CNGA4: variants seen among roughly 807,000 people sequenced by gnomAD.
The protein encoded by CNGA4 is cyclic nucleotide-gated channel alpha-4.
In CNGA4, 32 loss-of-function variants were observed where a neutral mutation model predicts 45.6. That is an observed-to-expected ratio of 0.70 (90% CI 0.53 to 0.94). The LOEUF (loss-of-function observed/expected upper bound fraction) is 0.94, where lower values mean the gene tolerates loss of function less well. Ranked by LOEUF, CNGA4 falls within the 40% of genes least tolerant of loss-of-function variation. The pLI is 0.00. For missense variants in CNGA4, 726 were observed against 755.1 expected, an observed-to-expected ratio of 0.96 and a Z score of 0.45; for synonymous variants, 293 against 304.6, an observed-to-expected ratio of 0.96 and a Z score of 0.40.
At chr11:6,239,571 C>T in intron 2 of CNGA4, 86 bp downstream of exon 2, 1 of 1,554,832 alleles carries the variant, frequency 6.4e-7, no homozygotes, top group African/African-American at 1.4e-5. Flanking sequence ...CTTGGTGGGG[C>T]AGGAGGAGCA....
Position 6,240,089 on chromosome 11 carries a change from G to C in CNGA4, c.295G>C (p.Val99Leu), listed in dbSNP as rs1297578650. Residue 99 changes from valine to leucine, a missense_variant, in exon 4 of 6, where the codon GTG becomes CTG. By Grantham distance (32) the Val-to-Leu change is conservative. Coordinates refer to ENST00000379936, the MANE Select transcript of CNGA4 (RefSeq NM_001037329.4). The surrounding 1 kb of genome is among the most constrained non-coding windows in gnomAD (Gnocchi z 4.9). ...AGGATTCTTGGAACAGGGCATCCTG[G>C]TGGTGGACAAGGGTAGGATCTCGAG... ...HTGFLEQGIL[V>L]VDKGRISSRY... The C allele has an allele frequency of 1.2e-6, 2 of 1,611,768 alleles. No individual in the cohort carries two copies. Among genetic ancestry groups the C allele is most frequent in the South Asian group, 2.2e-5 (2 of 90,838 alleles).
Position 6,240,048 on chromosome 11 carries a change from C to A in CNGA4, c.272-18C>A. On this transcript the variant is annotated intron_variant, in intron 3 of 5. Transcript: ENST00000379936. This position sits in a 1 kb window ranked among gnomAD's most constrained non-coding sequence, Gnocchi z 4.9. Reference sequence around the variant, plus strand: ...TTGACTACAGCAGGTCCGCTTCCTACCGGCTCCCTCTCCCCAGGATTCTTG... The same window carrying A: ...TTGACTACAGCAGGTCCGCTTCCTAACGGCTCCCTCTCCCCAGGATTCTTG... 1 of 1,588,454 alleles carries A rather than the reference C, an allele frequency of 6.3e-7. No homozygotes were observed. Among genetic ancestry groups the A allele is most frequent in the Non-Finnish European group, 8.6e-7 (1 of 1,166,786 alleles).
intron 5 of CNGA4, among the ~76,000 whole-genome samples, chr11:6,243,034 ACT>A (rs1264654055): frequency 6.6e-6 from 1 of 151,516 alleles, no homozygotes; most frequent in Non-Finnish European, 1.5e-5. Flanking sequence ...CCCTCCCCAC[ACT>A]CTGCGCTTCT....
Position 6,241,763 on chromosome 11 carries a change from G to T in CNGA4, c.1250G>T (p.Ser417Ile). ...LGAGLYFGEISIINIKGNMSG... is the reference protein window; with the variant it reads ...LGAGLYFGEIIIINIKGNMSG... The stretch of plus-strand genomic sequence containing the variant: ...GCAGGGCTCTACTTTGGGGAGATCA[G>T]CATCATCAACATCAAAGGTGGGTAT... The change falls in exon 5 of 6, where the codon AGC (serine) becomes ATC (isoleucine). Residue 417 changes from serine to isoleucine, a missense_variant. By Grantham distance (142) the Ser-to-Ile change is moderately radical. Transcript: ENST00000379936. The T allele has an allele frequency of 6.2e-7, 1 of 1,614,118 alleles. No individual in the cohort carries two copies. The highest frequency in any genetic ancestry group is 1.1e-5 in the South Asian group (1 of 91,078).
upstream of CNGA4, among the ~76,000 whole-genome samples, chr11:6,235,302 A>G (rs1299422390): frequency 6.6e-6 from 1 of 152,102 alleles, no homozygotes; most frequent in Non-Finnish European, 1.5e-5. Flanking sequence ...CTCCCCCAAC[A>G]CCGCTGTGCT....
rs1399602993 is a variant in CNGA4 at position 6,240,208 on chromosome 11, CCTGAGGCTGA to C, written c.415_424del (p.Leu139ThrfsTer31). The C allele has an allele frequency of 1.2e-6, 2 of 1,614,248 alleles. No homozygotes were observed. The highest frequency in any genetic ancestry group is 1.7e-6 in the Non-Finnish European group (2 of 1,180,054). Reference sequence around the variant, plus strand: ...TGCGGCTGGGCCCGCACACACCCACCCTGAGGCTGAACCGCTTTCTCCGCGCGCCCCGCCT... The same window carrying C: ...TGCGGCTGGGCCCGCACACACCCACCACCGCTTTCTCCGCGCGCCCCGCCT... On this transcript the variant is annotated frameshift_variant, in exon 4 of 6. Coordinates refer to ENST00000379936, the MANE Select transcript of CNGA4 (RefSeq NM_001037329.4). LOFTEE classifies it high-confidence loss of function. This position sits in a 1 kb window ranked among gnomAD's most constrained non-coding sequence, Gnocchi z 4.9.
upstream of CNGA4, among the ~76,000 whole-genome samples, chr11:6,236,642 C>T (rs978868992): frequency 2.6e-5 from 4 of 152,122 alleles, no homozygotes; most frequent in African/African-American, 7.2e-5. Context: ...GAGTGGGGCT[C>T]CTGAGGCACT....
chr11:6,242,279 T>A lies in CNGA4; in HGVS notation c.1267+499T>A, dbSNP rs2133879296. Among the ~76,000 whole-genome samples the A allele has an allele frequency of 2.0e-5, 3 of 151,870 alleles. No homozygotes were observed. The South Asian group carries it at 6.2e-4, about 32-fold the overall frequency. ...CACAGGTATACACATGTGGGATGAG[T>A]GGAAAAAACAACCTTTTTACAGCCA... is the stretch of plus-strand genomic sequence containing the variant. On this transcript the variant is annotated intron_variant, in intron 5 of 5. Coordinates refer to ENST00000379936, the MANE Select transcript of CNGA4 (RefSeq NM_001037329.4).
At chr11:6,241,887 G>C (rs1009681660) in intron 5 of CNGA4, 107 bp downstream of exon 5, 2 of 987,970 alleles carry the variant, frequency 2.0e-6, no homozygotes, top group Non-Finnish European at 1.5e-6. Flanking sequence ...ACTTCTGATT[G>C]AGGAAACCTG....
chr11:6,239,623 G>C, intron 2 of CNGA4, 61 bp from the exon 3 acceptor site: 1 of 1,578,624 alleles, frequency 6.3e-7, no homozygotes, highest in Non-Finnish European at 8.7e-7. Flanking sequence ...AAGGGCCCTG[G>C]GGAGACGCCT....
rs1410723356 is a variant in CNGA4, at chr11:6,239,477, CG to C, written c.157del (p.Val53CysfsTer30). 6.2e-7 allele frequency: 1 copy of C among 1,614,000 alleles called. No homozygotes were observed. Among genetic ancestry groups the C allele is most frequent in the Non-Finnish European group, 8.5e-7 (1 of 1,179,990 alleles). ...CAGTCATGTATAACCTCATCATCCT[CG>C]TGTGCAGGTATGGCAGCGGTGCTAA... ...FPVMYNLIIL[V>X]CRACFPDLQH... On this transcript the variant is annotated frameshift_variant, in exon 2 of 6. Coordinates refer to ENST00000379936, the MANE Select transcript of CNGA4 (RefSeq NM_001037329.4). LOFTEE classifies it high-confidence loss of function.
rs1248956785 is a variant in CNGA4, at chr11:6,239,700, T to C, written c.181T>C (p.Leu61=). 6.2e-7 allele frequency: 1 copy of C among 1,613,986 alleles called. No homozygotes were observed. The highest frequency in any genetic ancestry group is 8.5e-7 in the Non-Finnish European group (1 of 1,179,994). The change falls in exon 3 of 6, where the codon TTG becomes CTG. Residue 61 remains leucine, a synonymous_variant. Coordinates refer to ENST00000379936, the MANE Select transcript of CNGA4 (RefSeq NM_001037329.4). ...GCCCTGCAGAGCCTGCTTCCCCGAC[T>C]TGCAGCACGGTTATCTGGTGGCCTG... The part of the protein sequence containing the change: ...ILVCRACFPD[L]QHGYLVAWLV...
Position 6,239,696 on chromosome 11 carries a change from C to G in CNGA4, c.177C>G (p.Pro59=), listed in dbSNP as rs773492976. 4 of 1,614,042 alleles carry G rather than the reference C, an allele frequency of 2.5e-6. No homozygotes were observed. The South Asian group carries it at 3.3e-5, about 13-fold the overall frequency. ...LIILVCRACF[P]DLQHGYLVAW... Reference sequence around the variant, plus strand: ...CCCTGCCCTGCAGAGCCTGCTTCCCCGACTTGCAGCACGGTTATCTGGTGG... The same window carrying G: ...CCCTGCCCTGCAGAGCCTGCTTCCCGGACTTGCAGCACGGTTATCTGGTGG... The change falls in exon 3 of 6, where the codon CCC becomes CCG. Residue 59 remains proline, a synonymous_variant. Transcript: ENST00000379936.
At chr11:6,235,886 C>A (rs1484800196), upstream of CNGA4, among the ~76,000 whole-genome samples, 2 of 151,752 alleles carry the variant, frequency 1.3e-5, no homozygotes, top group South Asian at 2.1e-4. Context: ...TTGCAGTTAG[C>A]CGAGATCGCA....
rs1847884018 is a variant in CNGA4, at chr11:6,239,759, C to A, written c.240C>A (p.Tyr80Ter). The A allele has an allele frequency of 2.5e-6, 4 of 1,613,992 alleles. No individual in the cohort carries two copies. Among genetic ancestry groups the A allele is most frequent in the South Asian group, 1.1e-5 (1 of 91,068 alleles). The change falls in exon 3 of 6, where the codon TAC becomes TAA. Residue 80 changes from tyrosine to a stop codon, truncating the protein, a stop_gained. Transcript: ENST00000379936. LOFTEE classifies it high-confidence loss of function. ...LVLDYTSDLL[Y>*]LLDMVVRFHT... ...TGGACTACACGAGTGACCTGCTATA[C>A]CTACTAGACATGGTGGTGCGCTTCC...
In CNGA4 at chr11:6,240,726, T is replaced by C; in HGVS notation, c.917+15T>C. The stretch of plus-strand genomic sequence containing the variant: ...GTTATTGACTGGTGAGAAGGCGGGG[T>C]TCCAGACCAGGACAGGGACCAGTGT... On this transcript the variant is annotated intron_variant, in intron 4 of 5. Transcript: ENST00000379936. The surrounding 1 kb of genome is among the most constrained non-coding windows in gnomAD (Gnocchi z 4.9). The C allele has an allele frequency of 6.2e-7, 1 of 1,606,504 alleles. No individual in the cohort carries two copies.
upstream of CNGA4, among the ~76,000 whole-genome samples, chr11:6,236,782 TG>T (rs1847845287): frequency 6.6e-6 from 1 of 152,212 alleles, no homozygotes; most frequent in Admixed American, 6.5e-5. Flanking sequence ...TACTATGCTA[TG>T]TGACAAACCA....
upstream of CNGA4, among the ~76,000 whole-genome samples, chr11:6,238,163 C>T (rs1847861395): frequency 6.6e-6 from 1 of 152,244 alleles, no homozygotes; most frequent in Non-Finnish European, 1.5e-5. Context: ...ATCCAGCTAA[C>T]AGAGTACTCA....
Position 6,240,780 on chromosome 11 carries a change from G to T in CNGA4, c.917+69G>T. ...TGATGGAACCTGAGGGAGGTAACTGGGTCCTTAGTGCCTGGTGAGCCAGGC... is the reference window on the plus strand; with the variant it reads ...TGATGGAACCTGAGGGAGGTAACTGTGTCCTTAGTGCCTGGTGAGCCAGGC... On this transcript the variant is annotated intron_variant, in intron 4 of 5. Coordinates refer to ENST00000379936, the MANE Select transcript of CNGA4 (RefSeq NM_001037329.4). The surrounding 1 kb of genome is among the most constrained non-coding windows in gnomAD (Gnocchi z 4.9). The T allele has an allele frequency of 6.5e-7, 1 of 1,541,584 alleles. No homozygotes were observed. Among genetic ancestry groups the T allele is most frequent in the East Asian group, 2.3e-5 (1 of 44,186 alleles).
Sources: allele counts gnomAD v4.1 joint callset (sites outside exome capture counted in the v4.1 genomes callset), GRCh38; gene constraint gnomAD v4.1.1; non-coding constraint Gnocchi (gnomAD v3.1); transcripts MANE v1.5; gene names NCBI Gene and HGNC (gene_info 2026-07-23, HGNC 2026-07-21).